Variants in RNLS observed in about 807,000 individuals in gnomAD.
RNLS encodes the protein renalase.
Under a neutral mutation model 39.8 loss-of-function variants are expected in RNLS, and 39 were observed. The observed-to-expected ratio is 0.98, with a 90% CI of 0.76 to 1.28. The LOEUF (loss-of-function observed/expected upper bound fraction) is 1.28. RNLS is among the 50% of genes most tolerant of loss of function. RNLS has a pLI of 0.00. For missense variants in RNLS, 410 were observed against 413.3 expected (o/e 0.99, Z 0.07); for synonymous variants, 147 against 150.7 (o/e 0.98, Z 0.18).
In RNLS at chr10:88,523,273, T is replaced by G. The variant is rs141329631; in HGVS notation, c.526+49630A>C. ...TAATGCTATTGGTTAGCTATAAGTCTGCTTTCCATGCATCCCACTGTGCCA... is the reference window on the plus strand; with the variant it reads ...TAATGCTATTGGTTAGCTATAAGTCGGCTTTCCATGCATCCCACTGTGCCA... On this transcript the variant is annotated intron_variant, in intron 4 of 6. Transcript: ENST00000331772. Among the ~76,000 whole-genome samples the G allele has an allele frequency of 7.3e-3, 1,114 of 152,254 alleles. 4 individuals are homozygous for G. Among genetic ancestry groups the G allele is most frequent in the Middle Eastern group, 0.048 (14 of 294 alleles).
the RNLS span, among the ~76,000 whole-genome samples, chr10:88,228,500 T>C: frequency 5.5e-4 from 84 of 152,294 alleles, no homozygotes; most frequent in African/African-American, 1.8e-3. Context: ...CGCTGGGAAG[T>C]ACCATTTTCC....
At chr10:88,460,151 C>T (rs1436533451) in intron 4 of RNLS, among the ~76,000 whole-genome samples, 4 of 152,076 alleles carry the variant, frequency 2.6e-5, no homozygotes, top group Non-Finnish European at 5.9e-5. Flanking sequence ...ACCTTGTCAC[C>T]ATGAGATAAT....
chr10:88,342,423 C>G (rs1848021308), intron 5 of RNLS, among the ~76,000 whole-genome samples: 1 of 152,154 alleles, frequency 6.6e-6, no homozygotes, highest in African/African-American at 2.4e-5. Context: ...AAATTGTTAT[C>G]TTTTGTTTTC....
chr10:88,255,477 G>A, the RNLS span, among the ~76,000 whole-genome samples: 1 of 152,200 alleles, frequency 6.6e-6, no homozygotes, highest in Non-Finnish European at 1.5e-5. Context: ...TGCCTTGGGA[G>A]CAAGGGAGGA....
chr10:88,240,213 G>A, the RNLS span, among the ~76,000 whole-genome samples: 1 of 151,992 alleles, frequency 6.6e-6, no homozygotes, highest in African/African-American at 2.4e-5. Context: ...CTGTGATTCT[G>A]GCTATCCAAA....
intron 4 of RNLS, among the ~76,000 whole-genome samples, chr10:88,419,908 G>T (rs1440395725): frequency 6.6e-6 from 1 of 152,040 alleles, no homozygotes. Flanking sequence ...TACTCTGGAG[G>T]CTGAGGCAGG....
chr10:88,268,026 A>G, the RNLS span, among the ~76,000 whole-genome samples: 16 of 152,340 alleles, frequency 1.1e-4, no homozygotes, highest in South Asian at 4.1e-4. Context: ...GCAGTGCTCA[A>G]AGAAGGTATT....
chr10:88,564,104 A>G (rs532181034), intron 4 of RNLS, among the ~76,000 whole-genome samples: 6 of 152,326 alleles, frequency 3.9e-5, no homozygotes, highest in East Asian at 1.9e-4. Flanking sequence ...TGTTATTCAT[A>G]TATTCACATA....
At chr10:88,224,480 A>G in the RNLS span, among the ~76,000 whole-genome samples, 10 of 152,224 alleles carry the variant, frequency 6.6e-5, no homozygotes, top group Non-Finnish European at 1.2e-4. Context: ...AAACCCCGCC[A>G]TGATATCTGA....
At chr10:88,379,242 G>C (rs888899408) in intron 4 of RNLS, among the ~76,000 whole-genome samples, 1 of 152,092 alleles carries the variant, frequency 6.6e-6, no homozygotes, top group Non-Finnish European at 1.5e-5. Flanking sequence ...ATTAATAACA[G>C]GGAATTTCTT....
chr10:88,234,633 T>A, the RNLS span, among the ~76,000 whole-genome samples: 134 of 152,254 alleles, frequency 8.8e-4, no homozygotes, highest in African/African-American at 3.1e-3. Flanking sequence ...TTTATTGAGC[T>A]CCTAGGTTCA....
chr10:88,322,008 T>G (rs1846219352), intron 5 of RNLS, among the ~76,000 whole-genome samples: 1 of 152,250 alleles, frequency 6.6e-6, no homozygotes, highest in Middle Eastern at 3.4e-3. Context: ...AAGAAAACTA[T>G]AGGCCAATAT....
the RNLS span, among the ~76,000 whole-genome samples, chr10:88,248,119 A>G: frequency 6.6e-6 from 1 of 152,242 alleles, no homozygotes; most frequent in African/African-American, 2.4e-5. Context: ...AAACTATTAC[A>G]GTACTTAATA....
intron 4 of RNLS, among the ~76,000 whole-genome samples, chr10:88,475,030 G>A (rs558284343): frequency 1.3e-5 from 2 of 152,244 alleles, no homozygotes; most frequent in Non-Finnish European, 2.9e-5. Flanking sequence ...GAAGGCAGAG[G>A]GAAAGTAGAC....
At chr10:88,321,928 G>A (rs535086444) in intron 5 of RNLS, among the ~76,000 whole-genome samples, 4 of 152,268 alleles carry the variant, frequency 2.6e-5, no homozygotes, top group East Asian at 1.9e-4. Context: ...ACACTGAGGC[G>A]GAGGCATTCT....
At chr10:88,568,821 C>T (rs1318765401) in intron 4 of RNLS, among the ~76,000 whole-genome samples, 1 of 152,176 alleles carries the variant, frequency 6.6e-6, no homozygotes, top group Non-Finnish European at 1.5e-5. Flanking sequence ...ATTCGTTGCT[C>T]TGTTCCAGAA....
At chr10:88,202,248 T>C in the RNLS span, among the ~76,000 whole-genome samples, 3 of 128,288 alleles carry the variant, frequency 2.3e-5, no homozygotes, top group African/African-American at 9.1e-5. Context: ...AATTGAACAA[T>C]GAGAACACAT....
the RNLS span, among the ~76,000 whole-genome samples, chr10:88,197,236 A>G: frequency 7.4e-4 from 112 of 152,358 alleles, no homozygotes; most frequent in African/African-American, 2.5e-3. Flanking sequence ...TGTTCAGCAC[A>G]TAGTAAGTGT....
Position 88,441,992 on chromosome 10 carries a change from C to CCCTCCCAAA in RNLS, c.527-79276_527-79268dup, listed in dbSNP as rs1431755593. Among the ~76,000 whole-genome samples the CCCTCCCAAA allele has an allele frequency of 2.0e-5, 3 of 152,116 alleles. No homozygotes were observed. In the East Asian group the frequency reaches 5.8e-4, roughly 29 times the overall value. ...CGGGTTACTATCCCCTATGGTGATG[C>CCCTCCCAAA]CCTCCCAAAAGGTTCTCTGCAACAG... On this transcript the variant is annotated intron_variant, in intron 4 of 6. Transcript: ENST00000331772.
Sources: gnomAD v4.1 joint callset for allele counts (sites outside exome capture counted in the v4.1 genomes callset) on GRCh38, gnomAD v4.1.1 for gene constraint, MANE v1.5 for transcripts, NCBI Gene and HGNC (gene_info 2026-07-23, HGNC 2026-07-21) for gene names.